The following BLNK variants were observed in gnomAD, a reference collection of about 807,000 sequenced individuals.
The protein encoded by BLNK is B-cell linker protein.
BLNK carries 29 observed loss-of-function variants against 73.5 expected under a neutral mutation model. The ratio of observed to expected loss-of-function variants is 0.39; its 90% CI spans 0.29 to 0.54. The LOEUF (loss-of-function observed/expected upper bound fraction) is 0.54, where lower values mean the gene tolerates loss of function less well. BLNK is among the 20% of genes least tolerant of loss of function. The pLI is 0.61. For synonymous variants in BLNK, 176 were observed against 200.8 expected, an observed-to-expected ratio of 0.88 and a Z score of 1.04; for missense variants, 460 against 562.8, an observed-to-expected ratio of 0.82 and a Z score of 1.85.
chr10:96,201,711 CAT>C (rs34970170), intron 13 of BLNK, among the ~76,000 whole-genome samples: 18,570 of 150,640 alleles, frequency 0.12, 1,193 homozygotes, highest in Middle Eastern at 0.17. Flanking sequence ...AATGTGGAAA[CAT>C]GTGAAATACG....
intron 3 of BLNK, among the ~76,000 whole-genome samples, chr10:96,237,285 C>T (rs1554905272): frequency 6.6e-6 from 1 of 152,176 alleles, no homozygotes; most frequent in Non-Finnish European, 1.5e-5. Context: ...GTTATGCATA[C>T]CCCATACTTC....
rs184505427 is a variant in BLNK at position 96,241,292 on chromosome 10, A to G, written c.163+1443T>C. On this transcript the variant is annotated intron_variant, in intron 3 of 16. Coordinates refer to ENST00000224337, the MANE Select transcript of BLNK (RefSeq NM_013314.4). ...GTTGAGAATCATCAATGATGTCTGT[A>G]GCTCTGTGGTTTTCACTGAGGGATA... Among the ~76,000 whole-genome samples the G allele has an allele frequency of 5.3e-5, 8 of 152,364 alleles. No homozygotes were observed. The East Asian group carries it at 9.6e-4, about 18-fold the overall frequency.
intron 5 of BLNK, among the ~76,000 whole-genome samples, chr10:96,226,873 A>T (rs1465418990): frequency 4.6e-5 from 7 of 151,838 alleles, no homozygotes; most frequent in Admixed American, 4.6e-4. Flanking sequence ...AACAGACCCA[A>T]GCTGTGTCCA....
intron 1 of BLNK, among the ~76,000 whole-genome samples, chr10:96,254,744 C>T (rs1843440930): frequency 6.6e-6 from 1 of 152,192 alleles, no homozygotes; most frequent in Non-Finnish European, 1.5e-5. Context: ...CTTCTGACCT[C>T]AGGTAATCCG....
At chr10:96,193,714 A>G (rs1192159928) in intron 16 of BLNK, among the ~76,000 whole-genome samples, 1 of 152,266 alleles carries the variant, frequency 6.6e-6, no homozygotes, top group Non-Finnish European at 1.5e-5. Context: ...AAGATAAAGC[A>G]GACAGTTGTC....
intron 16 of BLNK, 78 bp from the exon 17 acceptor site, chr10:96,192,170 A>C: frequency 2.7e-4 from 420 of 1,575,446 alleles, no homozygotes; most frequent in Non-Finnish European, 3.3e-4. Context: ...ATCTTCTCTC[A>C]TTCTCAAGTT....
intron 16 of BLNK, among the ~76,000 whole-genome samples, chr10:96,192,866 A>G (rs186341333): frequency 6.6e-6 from 1 of 152,242 alleles, no homozygotes; most frequent in Non-Finnish European, 1.5e-5. Flanking sequence ...AAATGTATTT[A>G]GAATCACTTT....
intron 3 of BLNK, among the ~76,000 whole-genome samples, chr10:96,240,563 C>T (rs1321951145): frequency 1.3e-5 from 2 of 152,106 alleles, no homozygotes; most frequent in African/African-American, 4.8e-5. Context: ...CCTGGCTCTA[C>T]TTTTCTTCAT....
intron 1 of BLNK, among the ~76,000 whole-genome samples, chr10:96,263,797 G>T (rs534483432): frequency 6.6e-6 from 1 of 152,330 alleles, no homozygotes; most frequent in African/African-American, 2.4e-5. Flanking sequence ...TTAACACACA[G>T]TGAAGAGGAG....
At chr10:96,250,845 T>C (rs2134104967) in intron 1 of BLNK, among the ~76,000 whole-genome samples, 1 of 152,374 alleles carries the variant, frequency 6.6e-6, no homozygotes, top group Middle Eastern at 3.4e-3. Flanking sequence ...TATGTAACTA[T>C]ATAATTACAG....
At chr10:96,221,446 TTC>T (rs2084195256) in intron 6 of BLNK, among the ~76,000 whole-genome samples, 1 of 152,236 alleles carries the variant, frequency 6.6e-6, no homozygotes, top group African/African-American at 2.4e-5. Context: ...TAATGTTGGC[TTC>T]TGTTTGTTTG....
Position 96,200,843 on chromosome 10 carries a change from C to T in BLNK, c.1011+139G>A, listed in dbSNP as rs1178462002. On this transcript the variant is annotated intron_variant, in intron 14 of 16. Transcript: ENST00000224337. This position sits in a 1 kb window ranked among gnomAD's most constrained non-coding sequence, Gnocchi z 4.3. ...ACAACTGGGTATTCTGTCCCTATTA[C>T]CAAATGACAGTTCACATAATGATGT... The T allele has an allele frequency of 7.2e-6, 6 of 831,616 alleles. No homozygotes were observed. The African/African-American group carries it at 1.0e-4, about 14-fold the overall frequency. 51.5% of individuals were successfully genotyped at this position (831,616 alleles called of 1,614,324 possible). A position where few individuals can be genotyped will look rare whatever the true frequency, so the allele number is the denominator to read the frequency against.
intron 6 of BLNK, among the ~76,000 whole-genome samples, chr10:96,219,839 G>A (rs2084154287): frequency 6.6e-6 from 1 of 152,152 alleles, no homozygotes; most frequent in African/African-American, 2.4e-5. Context: ...GTAAAATCAA[G>A]CTGCTGATAT....
chr10:96,204,121 A>C (rs1310852656), intron 12 of BLNK, 33 bp from the exon 13 acceptor site: 2 of 1,612,504 alleles, frequency 1.2e-6, no homozygotes, highest in African/African-American at 2.7e-5. Context: ...ATTAAAGGAC[A>C]AAGCACAATA....
In BLNK at chr10:96,271,516, T is replaced by C; in HGVS notation, c.-118A>G. On this transcript the variant is annotated 5_prime_UTR_variant, in exon 1 of 17. Transcript: ENST00000224337. ...GTCTCAAGGGTTCCGGCCACTCAAGTCTGATTTCTGAGAGTGCAGGCTGCT... is the reference window on the plus strand; with the variant it reads ...GTCTCAAGGGTTCCGGCCACTCAAGCCTGATTTCTGAGAGTGCAGGCTGCT... 1 of 1,070,746 alleles carries C rather than the reference T, an allele frequency of 9.3e-7. No individual in the cohort carries two copies. 66.3% of individuals were successfully genotyped at this position (1,070,746 alleles called of 1,614,324 possible).
intron 10 of BLNK, among the ~76,000 whole-genome samples, chr10:96,207,355 C>T (rs1289201957): frequency 6.6e-6 from 1 of 152,146 alleles, no homozygotes; most frequent in Non-Finnish European, 1.5e-5. Flanking sequence ...AACCCATGTA[C>T]AGCAGGCATC....
chr10:96,265,342 G>A (rs1205490419), intron 1 of BLNK, among the ~76,000 whole-genome samples: 1 of 152,026 alleles, frequency 6.6e-6, no homozygotes, highest in Non-Finnish European at 1.5e-5. Context: ...GCTGTGTTAT[G>A]ACATAATATG....
chr10:96,220,224 T>G (rs1464736349), intron 6 of BLNK, among the ~76,000 whole-genome samples: 1 of 152,114 alleles, frequency 6.6e-6, no homozygotes, highest in Non-Finnish European at 1.5e-5. Context: ...CTCTCCTCTC[T>G]CCTTTCTTCT....
intron 1 of BLNK, among the ~76,000 whole-genome samples, chr10:96,253,313 G>A (rs782210960): frequency 6.6e-6 from 1 of 152,164 alleles, no homozygotes; most frequent in Non-Finnish European, 1.5e-5. Flanking sequence ...GTGACAAGAA[G>A]CAGTGAATCA....
Sources: gnomAD v4.1 joint callset for allele counts (sites outside exome capture counted in the v4.1 genomes callset) on GRCh38, gnomAD v4.1.1 for gene constraint, Gnocchi (gnomAD v3.1) non-coding constraint, MANE v1.5 for transcripts, NCBI Gene and HGNC (gene_info 2026-07-23, HGNC 2026-07-21) for gene names.